Variants in HPSE2 observed in about 807,000 individuals in gnomAD.
HPSE2 encodes heparanase 2 (inactive), also known as inactive heparanase-2.
In HPSE2, 38 loss-of-function variants were observed where a neutral mutation model predicts 60.5. The ratio of observed to expected loss-of-function variants is 0.63; its 90% CI spans 0.48 to 0.82. The LOEUF is 0.82. HPSE2 is among the 40% of genes least tolerant of loss of function. The pLI, the probability that HPSE2 is intolerant of heterozygous loss-of-function variation, is 0.00. For synonymous variants in HPSE2, 295 were observed against 293.2 expected (o/e 1.01, Z -0.06); for missense variants, 713 against 740.4 (o/e 0.96, Z 0.43).
chr10:99,282,299 T>C, the HPSE2 span, among the ~76,000 whole-genome samples: 19 of 152,070 alleles, frequency 1.2e-4, no homozygotes, highest in African/African-American at 3.9e-4. Flanking sequence ...AATTAAGATA[T>C]TGTATGTTGA....
intron 4 of HPSE2, among the ~76,000 whole-genome samples, chr10:98,729,565 C>T (rs1949178209): frequency 6.6e-6 from 1 of 151,954 alleles, no homozygotes; most frequent in African/African-American, 2.4e-5. Context: ...GCCGAGATCA[C>T]GCCATTGCAC....
intron 3 of HPSE2, among the ~76,000 whole-genome samples, chr10:98,872,264 C>T (rs1293759852): frequency 6.6e-6 from 1 of 152,086 alleles, no homozygotes; most frequent in East Asian, 1.9e-4. Flanking sequence ...TCCTGCTCTA[C>T]TCTGTCTCCA....
chr10:99,296,473 C>A, the HPSE2 span, among the ~76,000 whole-genome samples: 1 of 152,218 alleles, frequency 6.6e-6, no homozygotes, highest in Non-Finnish European at 1.5e-5. Context: ...AATCTACATG[C>A]AATTAAAAGT....
intron 3 of HPSE2, among the ~76,000 whole-genome samples, chr10:98,992,541 T>C (rs1218266851): frequency 1.3e-5 from 2 of 152,168 alleles, no homozygotes; most frequent in Non-Finnish European, 2.9e-5. Context: ...TAGGATTTAA[T>C]TCAATTCTAC....
At chr10:98,736,925 A>C (rs1313556331) in intron 4 of HPSE2, among the ~76,000 whole-genome samples, 2 of 152,250 alleles carry the variant, frequency 1.3e-5, no homozygotes, top group Admixed American at 1.3e-4. Flanking sequence ...TGCAAGAATG[A>C]CTAAATACCA....
intron 6 of HPSE2, among the ~76,000 whole-genome samples, chr10:98,682,123 G>A (rs1349256565): frequency 6.6e-6 from 1 of 152,146 alleles, no homozygotes; most frequent in Non-Finnish European, 1.5e-5. Context: ...TCTCATGAAT[G>A]GTTTAGCACC....
chr10:99,214,036 A>G (rs1356784129), intron 2 of HPSE2, among the ~76,000 whole-genome samples: 2 of 152,250 alleles, frequency 1.3e-5, no homozygotes, highest in African/African-American at 2.4e-5. Context: ...GAATTTAAAA[A>G]GGGATAAAGA....
At chr10:98,505,850 T>C (rs1255054100) in intron 9 of HPSE2, among the ~76,000 whole-genome samples, 1 of 152,202 alleles carries the variant, frequency 6.6e-6, no homozygotes, top group Non-Finnish European at 1.5e-5. Context: ...CATGAGTCTG[T>C]TTCTGGACCT....
At chr10:98,897,477 A>C (rs1953527351) in intron 3 of HPSE2, among the ~76,000 whole-genome samples, 1 of 152,196 alleles carries the variant, frequency 6.6e-6, no homozygotes, top group South Asian at 2.1e-4. Flanking sequence ...ATCAAGACCA[A>C]TAAAATGACA....
intron 3 of HPSE2, among the ~76,000 whole-genome samples, chr10:98,967,782 G>C (rs1263480857): frequency 1.3e-5 from 2 of 152,144 alleles, no homozygotes; most frequent in Non-Finnish European, 2.9e-5. Context: ...ACTGCCACTT[G>C]TTGCAGATAG....
intron 3 of HPSE2, among the ~76,000 whole-genome samples, chr10:98,923,627 T>C (rs1215629766): frequency 6.6e-6 from 1 of 152,038 alleles, no homozygotes; most frequent in Non-Finnish European, 1.5e-5. Flanking sequence ...TATTTTCAAA[T>C]AGCCTGTCTC....
At position 98,834,422 on chromosome 10, in the gene HPSE2, A is replaced by C. The variant is rs916884674; in HGVS notation, c.611-90366T>G. Among the ~76,000 whole-genome samples the C allele has an allele frequency of 9.2e-5, 14 of 152,202 alleles. 1 individual carries two copies. The highest frequency in any genetic ancestry group is 3.4e-4 in the African/African-American group (14 of 41,466). On this transcript the variant is annotated intron_variant, in intron 3 of 11. Coordinates refer to ENST00000370552, the MANE Select transcript of HPSE2 (RefSeq NM_021828.5). Reference sequence around the variant, plus strand: ...CTAGTTTTCCTGTACTAACTGCACCACTGAGTAGCCAGTAAATGAGGGGAA... The same window carrying C: ...CTAGTTTTCCTGTACTAACTGCACCCCTGAGTAGCCAGTAAATGAGGGGAA...
chr10:98,592,517 C>T (rs548737173), intron 9 of HPSE2, among the ~76,000 whole-genome samples: 6 of 152,224 alleles, frequency 3.9e-5, no homozygotes, highest in Non-Finnish European at 8.8e-5. Flanking sequence ...TTCCCCAGAC[C>T]CCCTGGATAA....
At chr10:98,805,245 C>T (rs1488854081) in intron 3 of HPSE2, among the ~76,000 whole-genome samples, 2 of 152,038 alleles carry the variant, frequency 1.3e-5, no homozygotes, top group Non-Finnish European at 2.9e-5. Context: ...TATCCTACTA[C>T]TCAAGGTCAT....
chr10:99,144,102 G>T, intron 3 of HPSE2, 136 bp downstream of exon 3: 1 of 884,470 alleles, frequency 1.1e-6, no homozygotes, highest in South Asian at 1.5e-5. Context: ...CAAACTACAA[G>T]GAATATTTGT....
intron 7 of HPSE2, among the ~76,000 whole-genome samples, chr10:98,624,928 C>T (rs550084905): frequency 2.0e-5 from 3 of 152,180 alleles, no homozygotes; most frequent in East Asian, 1.9e-4. Context: ...ATTATTCTTA[C>T]GGTTTGGTGG....
At chr10:98,630,173 C>T (rs1399014439) in intron 7 of HPSE2, among the ~76,000 whole-genome samples, 2 of 150,716 alleles carry the variant, frequency 1.3e-5, no homozygotes, top group African/African-American at 2.4e-5. Flanking sequence ...TTCAACTACA[C>T]GAAGCAATCG....
At chr10:98,690,093 G>A (rs546997930) in intron 6 of HPSE2, among the ~76,000 whole-genome samples, 2 of 152,254 alleles carry the variant, frequency 1.3e-5, no homozygotes, top group African/African-American at 2.4e-5. Context: ...AAGTTTATAT[G>A]CATATTTTGT....
At chr10:98,707,968 T>A (rs1948588525) in intron 5 of HPSE2, among the ~76,000 whole-genome samples, 1 of 152,114 alleles carries the variant, frequency 6.6e-6, no homozygotes, top group Non-Finnish European at 1.5e-5. Flanking sequence ...TAAGGAGATC[T>A]ATGGAATAAA....
Sources: gnomAD v4.1 joint callset for allele counts (sites outside exome capture counted in the v4.1 genomes callset) on GRCh38, gnomAD v4.1.1 for gene constraint, MANE v1.5 for transcripts, NCBI Gene and HGNC (gene_info 2026-07-23, HGNC 2026-07-21) for gene names.